The following SMTN variants were observed in gnomAD, a reference collection of about 807,000 sequenced individuals.
SMTN encodes smoothelin.
In SMTN, 58 loss-of-function variants were observed where a neutral mutation model predicts 102.0. That is an observed-to-expected ratio of 0.57 (90% confidence interval 0.46 to 0.71). The LOEUF (loss-of-function observed/expected upper bound fraction) is 0.71, where lower values mean the gene tolerates loss of function less well. SMTN is among the 30% of genes least tolerant of loss of function. The probability of loss-of-function intolerance (pLI) is 0.00; values close to 1 mark genes in which losing one functional copy is unlikely to be tolerated. For missense variants in SMTN, 1,185 were observed against 1,241.7 expected, an observed-to-expected ratio of 0.95 and a Z score of 0.69; for synonymous variants, 478 against 497.9, an observed-to-expected ratio of 0.96 and a Z score of 0.53.
Position 31,095,686 on chromosome 22 carries a change from T to G in SMTN, c.1861+77T>G. 1.5e-6 allele frequency: 2 copies of G among 1,299,600 alleles called. No individual in the cohort carries two copies. Among genetic ancestry groups the G allele is most frequent in the South Asian group, 2.6e-5 (2 of 77,190 alleles). The allele number at this position is 1,299,600 out of a possible 1,614,324, so 80.5% of individuals were successfully genotyped here. ...CTCCCCTCATACTCTGGGGTCCATT[T>G]GTGGACACCCCAGCTTAATAACTGC... On this transcript the variant is annotated intron_variant, in intron 13 of 20. Transcript: ENST00000333137. This position sits in a 1 kb window ranked among gnomAD's most constrained non-coding sequence, Gnocchi z 4.1.
chr22:31,096,665 A>G, intron 13 of SMTN, 68 bp from the exon 14 acceptor site: 1 of 1,466,896 alleles, frequency 6.8e-7, no homozygotes, highest in Non-Finnish European at 9.0e-7. Context: ...TGCCCCATGC[A>G]CCTGTGCATC....
intron 17 of SMTN, 97 bp from the exon 18 acceptor site, chr22:31,098,965 G>T: frequency 6.5e-7 from 1 of 1,530,512 alleles, no homozygotes; most frequent in Non-Finnish European, 8.9e-7. Context: ...GCAAAGGCCC[G>T]AAGGTCATGG....
chr22:31,091,307 C>G lies in SMTN; in HGVS notation c.1284C>G (p.Asn428Lys). Reference protein sequence around the residue: ...GRGLAARPLENRAGGPVARSE... With the variant: ...GRGLAARPLEKRAGGPVARSE... ...GCTTGGCTGCTAGGCCCCTTGAAAACAGAGCAGGGGGGCCTGTGGCACGTT... is the reference window on the plus strand; with the variant it reads ...GCTTGGCTGCTAGGCCCCTTGAAAAGAGAGCAGGGGGGCCTGTGGCACGTT... The change falls in exon 10 of 21, where the codon AAC (asparagine) becomes AAG (lysine). Residue 428 changes from asparagine to lysine, a missense_variant. Asn to Lys is a moderately conservative substitution (Grantham distance 94, BLOSUM62 0). Around this residue, in one of 2 missense-constraint regions of SMTN, gnomAD observed 1,096 missense variants for 1,112.7 expected, o/e 0.98. Transcript: ENST00000333137. 6.2e-7 allele frequency: 1 copy of G among 1,602,842 alleles called. No individual in the cohort carries two copies. The highest frequency in any genetic ancestry group is 8.5e-7 in the Non-Finnish European group (1 of 1,176,064).
chr22:31,085,154 G>C (rs1602599821), intron 2 of SMTN: 2 of 1,535,504 alleles, frequency 1.3e-6, no homozygotes, highest in Non-Finnish European at 1.7e-6. Context: ...CCTCGGTCCC[G>C]AGTTCGAGTT....
Position 31,091,798 on chromosome 22 carries a change from C to T in SMTN, c.1583C>T (p.Thr528Ile), listed in dbSNP as rs1280734296. 1.9e-6 allele frequency: 3 copies of T among 1,606,848 alleles called. 1 individual carries two copies. The South Asian group carries it at 3.3e-5, about 18-fold the overall frequency. The change falls in exon 11 of 21, where the codon ACC (threonine) becomes ATC (isoleucine). Residue 528 changes from threonine to isoleucine, a missense_variant. By Grantham distance (89) the Thr-to-Ile change is moderately conservative. This residue lies in a region of SMTN where 1,096 missense variants were observed against 1,112.7 expected (regional missense o/e 0.98). Transcript: ENST00000333137. ...LARLGSVTHV[T>I]SFSHAPPSSR... is the part of the protein sequence containing the mutation. ...CGGCTGGGCAGTGTCACTCATGTCA[C>T]CAGCTTCAGCCATGCCCCCCCCAGT...
At chr22:31,078,548 C>T (rs1462090206), upstream of SMTN, among the ~76,000 whole-genome samples, 1 of 152,260 alleles carries the variant, frequency 6.6e-6, no homozygotes, top group African/African-American at 2.4e-5. Context: ...CCACAAGATA[C>T]ATTCATCCTG....
intron 11 of SMTN, chr22:31,093,271 T>G: frequency 1.1e-5 from 3 of 273,488 alleles, no homozygotes; most frequent in South Asian, 3.6e-5. Flanking sequence ...CCAGAATAGG[T>G]TTCTATTTGG....
upstream of SMTN, among the ~76,000 whole-genome samples, chr22:31,077,184 G>A (rs1031187236): frequency 2.1e-4 from 32 of 152,146 alleles, no homozygotes; most frequent in Non-Finnish European, 4.4e-4. Flanking sequence ...AAGGCAGGCG[G>A]ATTTCTTGAA....
At chr22:31,099,286 GCCTCA>G in intron 18 of SMTN, 107 bp downstream of exon 18, 1 of 719,068 alleles carries the variant, frequency 1.4e-6, no homozygotes. Context: ...CCACTGTGTG[GCCTCA>G]CAGGGAACAT....
chr22:31,088,754 G>A lies in SMTN; in HGVS notation c.350G>A (p.Arg117His), dbSNP rs377182371. The change falls in exon 5 of 21, where the codon CGT becomes CAT. Residue 117 changes from arginine to histidine, a missense_variant. Around this residue, in one of 2 missense-constraint regions of SMTN, gnomAD observed 1,096 missense variants for 1,112.7 expected, o/e 0.98. Transcript: ENST00000333137. ...ERKLIRAAIR[R>H]VRAQEIEAAT... ...AAGCTGATCCGAGCTGCCATCCGCC[G>A]TGTACGGGCTCAGGAGATTGAGGGT... 11 of 1,612,886 alleles carry A rather than the reference G, an allele frequency of 6.8e-6. No homozygotes were observed. The highest frequency in any genetic ancestry group is 5.5e-5 in the South Asian group (5 of 90,898).
At chr22:31,092,384 G>T (rs1602639519) in intron 11 of SMTN, 1 of 455,984 alleles carries the variant, frequency 2.2e-6, no homozygotes, top group Non-Finnish European at 4.6e-6. Context: ...AGGCAGAGGG[G>T]CGCCAATCAG....
chr22:31,070,843 G>T (rs2041979681), intron 1 of SMTN, among the ~76,000 whole-genome samples: 2 of 149,248 alleles, frequency 1.3e-5, no homozygotes, highest in Admixed American at 1.4e-4. Context: ...AGGATTGCTT[G>T]AACCCGGGAA....
At chr22:31,067,407 C>CT (rs1337945667) in intron 1 of SMTN, 1 of 145,962 alleles carries the variant, frequency 6.9e-6, no homozygotes, top group Non-Finnish European at 1.5e-5. Context: ...ACCCAGCTAA[C>CT]TTTTGTATTT....
At chr22:31,073,573 G>A (rs1033161142) in intron 1 of SMTN, among the ~76,000 whole-genome samples, 4 of 152,172 alleles carry the variant, frequency 2.6e-5, no homozygotes, top group African/African-American at 9.7e-5. Context: ...GTCACTGCTT[G>A]GAAAAGAGCT....
rs558488485 is a variant in SMTN at position 31,090,858 on chromosome 22, C to G, written c.916C>G (p.Arg306Gly). The change falls in exon 9 of 21, where the codon CGC becomes GGC. Residue 306 changes from arginine (R) to glycine (G), a missense_variant. Physicochemically the swap from Arg to Gly is moderately radical, Grantham distance 125 (BLOSUM62 -2). Coordinates refer to ENST00000333137, the MANE Select transcript of SMTN (RefSeq NM_134269.3). Reference sequence around the variant, plus strand: ...ACGCTCCCTGTCGGTGCTCAGCCCCCGCCAACCAGCCCAGAACCGAGGTAC... The same window carrying G: ...ACGCTCCCTGTCGGTGCTCAGCCCCGGCCAACCAGCCCAGAACCGAGGTAC... ...CQRSLSVLSP[R>G]QPAQNRESTP... 3.1e-6 allele frequency: 5 copies of G among 1,614,008 alleles called. No homozygotes were observed. The highest frequency in any genetic ancestry group is 4.2e-6 in the Non-Finnish European group (5 of 1,179,948).
At chr22:31,073,385 T>G (rs913565942) in intron 1 of SMTN, among the ~76,000 whole-genome samples, 3 of 152,198 alleles carry the variant, frequency 2.0e-5, no homozygotes, top group African/African-American at 7.2e-5. Flanking sequence ...TCATTTTTCC[T>G]GCAGTTAGTA....
chr22:31,100,843 G>GCCCCCCCCCCCC, intron 19 of SMTN, 42 bp from the exon 20 acceptor site: 1 of 723,136 alleles, frequency 1.4e-6, no homozygotes. Context: ...CTGGCCTCCT[G>GCCCCCCCCCCCC]CCCCCGTCCC....
rs893778432 is a variant in SMTN at position 31,083,325 on chromosome 22, A to G, written c.51+16A>G. ...TCGGAAGCTGGTAAGTGGCCCCATC[A>G]CCCACTGTGGGGACAGGAAAGCCAA... On this transcript the variant is annotated intron_variant, in intron 2 of 20. Transcript: ENST00000333137. The G allele has an allele frequency of 8.4e-6, 13 of 1,546,306 alleles. No individual in the cohort carries two copies. Among genetic ancestry groups the G allele is most frequent in the Non-Finnish European group, 1.0e-5 (12 of 1,146,190 alleles).
chr22:31,085,235 G>T (rs1396772345), intron 2 of SMTN: 2 of 1,532,448 alleles, frequency 1.3e-6, no homozygotes, highest in South Asian at 2.4e-5. Context: ...CACTGAAGCA[G>T]GCGGTAGCGG....
Sources: gnomAD v4.1 joint callset for allele counts (sites outside exome capture counted in the v4.1 genomes callset) on GRCh38, gnomAD v4.1.1 for gene constraint, gnomAD v4.1.1 regional missense constraint, Gnocchi (gnomAD v3.1) non-coding constraint, MANE v1.5 for transcripts, NCBI Gene and HGNC (gene_info 2026-07-23, HGNC 2026-07-21) for gene names.